Variants in LPAR1 observed in about 807,000 individuals in gnomAD.
LPAR1 encodes lysophosphatidic acid receptor 1, also known as LPA receptor 1.
LPAR1 carries 5 observed loss-of-function variants against 23.8 expected under a neutral mutation model. That is an observed-to-expected ratio of 0.21 (90% CI 0.11 to 0.44). The LOEUF is 0.44. LPAR1 is among the 20% of genes least tolerant of loss of function. The pLI, the probability that LPAR1 is intolerant of heterozygous loss-of-function variation, is 0.99. For missense variants in LPAR1, 311 were observed against 482.8 expected, an observed-to-expected ratio of 0.64 and a Z score of 3.33; for synonymous variants, 160 against 164.7, an observed-to-expected ratio of 0.97 and a Z score of 0.22.
intron 2 of LPAR1, among the ~76,000 whole-genome samples, chr9:111,023,732 T>C (rs2097614840): frequency 6.6e-6 from 1 of 152,186 alleles, no homozygotes; most frequent in Non-Finnish European, 1.5e-5. Flanking sequence ...CATGACTAGA[T>C]AAGTGTTTTC....
chr9:110,932,424 C>G (rs2094467495), intron 5 of LPAR1, among the ~76,000 whole-genome samples: 1 of 152,246 alleles, frequency 6.6e-6, no homozygotes, highest in Non-Finnish European at 1.5e-5. Flanking sequence ...AACTGTGAAG[C>G]TAGGACCGGC....
At chr9:111,011,153 G>T (rs1217637972) in intron 2 of LPAR1, among the ~76,000 whole-genome samples, 1 of 151,970 alleles carries the variant, frequency 6.6e-6, no homozygotes. Flanking sequence ...GTGTAAGTCT[G>T]TGCTTGGTTT....
chr9:111,008,116 G>C (rs760014629), intron 2 of LPAR1, among the ~76,000 whole-genome samples: 2 of 151,904 alleles, frequency 1.3e-5, no homozygotes, highest in East Asian at 1.9e-4. Context: ...GGAGGTTGCA[G>C]TGAGCCAAGA....
intron 5 of LPAR1, among the ~76,000 whole-genome samples, chr9:110,876,869 T>C (rs576450539): frequency 1.7e-4 from 26 of 152,286 alleles, no homozygotes; most frequent in African/African-American, 5.5e-4. Flanking sequence ...AAATGGAGGT[T>C]GTAAAATAGC....
rs182676023 is a variant in LPAR1 at position 110,973,771 on chromosome 9, T to A, written c.-181-213A>T. Among the ~76,000 whole-genome samples the A allele has an allele frequency of 3.9e-5, 6 of 152,240 alleles. No individual in the cohort carries two copies. In the East Asian group the frequency reaches 7.7e-4, roughly 20 times the overall value. Reference sequence around the variant, plus strand: ...TGCAATTTAGTCCAGAAGAAAAAAATTTTTCATTTTAAGAAAATAATTTTT... The same window carrying A: ...TGCAATTTAGTCCAGAAGAAAAAAAATTTTCATTTTAAGAAAATAATTTTT... On this transcript the variant is annotated intron_variant, in intron 2 of 5. Transcript: ENST00000683809.
intron 2 of LPAR1, among the ~76,000 whole-genome samples, chr9:110,978,568 T>C (rs1004292752): frequency 3.3e-5 from 5 of 152,184 alleles, no homozygotes; most frequent in African/African-American, 9.6e-5. Flanking sequence ...GAGAGCCCTA[T>C]AGTCTGATAT....
At chr9:110,992,625 A>G (rs1447824647) in intron 2 of LPAR1, among the ~76,000 whole-genome samples, 1 of 152,232 alleles carries the variant, frequency 6.6e-6, no homozygotes, top group Non-Finnish European at 1.5e-5. Flanking sequence ...ATTGTTATGT[A>G]TCCATAAAAC....
chr9:110,947,727 T>C (rs2095432152), intron 4 of LPAR1, among the ~76,000 whole-genome samples: 1 of 152,264 alleles, frequency 6.6e-6, no homozygotes, highest in Non-Finnish European at 1.5e-5. Context: ...GTACATCTGA[T>C]GTGTTCTTCC....
intron 5 of LPAR1, among the ~76,000 whole-genome samples, chr9:110,907,197 T>A (rs1346485293): frequency 6.6e-6 from 1 of 152,138 alleles, no homozygotes; most frequent in African/African-American, 2.4e-5. Flanking sequence ...ACAATAAATA[T>A]TCCTTATAAT....
intron 2 of LPAR1, among the ~76,000 whole-genome samples, chr9:110,996,612 G>A (rs931464989): frequency 6.6e-5 from 10 of 152,212 alleles, no homozygotes; most frequent in African/African-American, 9.6e-5. Flanking sequence ...AGGTTACAGC[G>A]ACTGTTGTTT....
intron 5 of LPAR1, among the ~76,000 whole-genome samples, chr9:110,890,489 C>A (rs559428407): frequency 1.6e-4 from 25 of 152,218 alleles, no homozygotes; most frequent in African/African-American, 4.6e-4. Context: ...AATCTCCCCC[C>A]CACAAAACTA....
intron 5 of LPAR1, among the ~76,000 whole-genome samples, chr9:110,939,758 G>A (rs2094962688): frequency 6.6e-6 from 1 of 152,184 alleles, no homozygotes; most frequent in Admixed American, 6.5e-5. Flanking sequence ...CAGGTTAATA[G>A]TCCAAGTTCA....
intron 2 of LPAR1, among the ~76,000 whole-genome samples, chr9:111,023,948 C>T (rs1302834737): frequency 6.6e-6 from 1 of 152,162 alleles, no homozygotes; most frequent in Non-Finnish European, 1.5e-5. Flanking sequence ...CCCAATAAAA[C>T]TCATCACAAT....
intron 5 of LPAR1, among the ~76,000 whole-genome samples, chr9:110,891,835 A>G (rs2084268635): frequency 6.6e-6 from 1 of 152,242 alleles, no homozygotes; most frequent in South Asian, 2.1e-4. Context: ...TAAATCCACA[A>G]TGAGATACGA....
rs151073346 is a variant in LPAR1 at position 110,881,799 on chromosome 9, A to C, written c.794-6077T>G. On this transcript the variant is annotated intron_variant, in intron 5 of 5. Transcript: ENST00000683809. The stretch of plus-strand genomic sequence containing the variant: ...GCTTGTACAAAACAAGCATAAATCA[A>C]TTTGCACTAAGTCACTCTCCTGCTT... Among the ~76,000 whole-genome samples the C allele has an allele frequency of 8.5e-5, 13 of 152,202 alleles. No homozygotes were observed. In the East Asian group the frequency reaches 2.5e-3, roughly 29 times the overall value.
chr9:110,936,020 G>GCTA (rs2094686864), intron 5 of LPAR1, among the ~76,000 whole-genome samples: 1 of 152,130 alleles, frequency 6.6e-6, no homozygotes, highest in African/African-American at 2.4e-5. Context: ...TCCACCCAAT[G>GCTA]CTACAGTGAG....
chr9:111,013,188 T>C (rs1251764269), intron 2 of LPAR1, among the ~76,000 whole-genome samples: 1 of 152,154 alleles, frequency 6.6e-6, no homozygotes, highest in African/African-American at 2.4e-5. Flanking sequence ...GTAAAATCCT[T>C]TTTGCTGTTG....
rs564493984 is a variant in LPAR1, at chr9:110,883,025, G to A, written c.794-7303C>T. On this transcript the variant is annotated intron_variant, in intron 5 of 5. Transcript: ENST00000683809. Reference sequence around the variant, plus strand: ...TTGTTTGGGGGCTACTGTAGAAACCGAATTATATCTTGAATTTTATTTTAT... The same window carrying A: ...TTGTTTGGGGGCTACTGTAGAAACCAAATTATATCTTGAATTTTATTTTAT... Among the ~76,000 whole-genome samples, 48 of 152,142 alleles carry A rather than the reference G, an allele frequency of 3.2e-4. No homozygotes were observed. The South Asian group carries it at 4.8e-3, about 15-fold the overall frequency.
intron 5 of LPAR1, among the ~76,000 whole-genome samples, chr9:110,883,256 G>A (rs1255958206): frequency 1.3e-5 from 2 of 152,202 alleles, no homozygotes; most frequent in South Asian, 2.1e-4. Flanking sequence ...GGCTGGTCTT[G>A]AATTGCTGAC....
Sources: allele counts gnomAD v4.1 joint callset (sites outside exome capture counted in the v4.1 genomes callset), GRCh38; gene constraint gnomAD v4.1.1; transcripts MANE v1.5; gene names NCBI Gene and HGNC (gene_info 2026-07-23, HGNC 2026-07-21).